CNTNAP4: variants seen among roughly 807,000 people sequenced by gnomAD.
CNTNAP4 encodes contactin associated protein family member 4.
A neutral mutation model predicts 148.4 loss-of-function variants in CNTNAP4; 98 were observed. The ratio of observed to expected loss-of-function variants is 0.66; its 90% CI spans 0.56 to 0.78. CNTNAP4 has a LOEUF of 0.78. Among genes scored for constraint, CNTNAP4 ranks in the 30% least tolerant of loss-of-function variants. The pLI is 0.00. For synonymous variants in CNTNAP4, 730 were observed against 565.1 expected (o/e 1.29, Z -4.14); for missense variants, 1,935 against 1,565.6 (o/e 1.24, Z -3.98).
chr16:76,481,110 T>A (rs1188040748), intron 12 of CNTNAP4, among the ~76,000 whole-genome samples: 1 of 152,244 alleles, frequency 6.6e-6, no homozygotes, highest in Non-Finnish European at 1.5e-5. Context: ...GATAATTGAT[T>A]TATTGCCAAG....
intron 4 of CNTNAP4, among the ~76,000 whole-genome samples, chr16:76,431,430 A>C (rs1333943187): frequency 6.6e-6 from 1 of 152,186 alleles, no homozygotes; most frequent in Non-Finnish European, 1.5e-5. Flanking sequence ...CTGTAATTCC[A>C]GGACTTTGGA....
chr16:76,453,375 G>A (rs1365487083), intron 8 of CNTNAP4, among the ~76,000 whole-genome samples: 3 of 152,188 alleles, frequency 2.0e-5, no homozygotes, highest in Non-Finnish European at 4.4e-5. Context: ...ATGATTAGAA[G>A]TAATGTACTT....
rs866698513 is a variant in CNTNAP4 at position 76,287,596 on chromosome 16, G to A, written c.85+9849G>A. On this transcript the variant is annotated intron_variant, in intron 1 of 23. Coordinates refer to ENST00000611870, the MANE Select transcript of CNTNAP4 (RefSeq NM_033401.5). ...TGTTTTTCTGAGTTAGCAAAATCGAGCCTCCTGTGATCATTTTCCTTTTTC... is the reference window on the plus strand; with the variant it reads ...TGTTTTTCTGAGTTAGCAAAATCGAACCTCCTGTGATCATTTTCCTTTTTC... The A allele has an allele frequency of 3.3e-5, 5 of 152,270 alleles. No individual in the cohort carries two copies. In the South Asian group the frequency reaches 1.0e-3, roughly 32 times the overall value. The allele number at this position is 152,270 out of a possible 1,614,324, so 9.4% of individuals were successfully genotyped here.
intron 3 of CNTNAP4, among the ~76,000 whole-genome samples, chr16:76,390,897 G>C (rs1004861537): frequency 3.3e-5 from 5 of 151,700 alleles, no homozygotes; most frequent in Non-Finnish European, 5.9e-5. Flanking sequence ...CATAATTGGT[G>C]TATATATTTA....
intron 17 of CNTNAP4, among the ~76,000 whole-genome samples, chr16:76,530,397 C>T (rs542505776): frequency 3.3e-5 from 5 of 152,042 alleles, no homozygotes; most frequent in South Asian, 2.1e-4. Context: ...TAAGACGCCC[C>T]GAGTGTACTT....
intron 10 of CNTNAP4, among the ~76,000 whole-genome samples, chr16:76,470,428 G>T (rs2081322011): frequency 6.8e-6 from 1 of 147,876 alleles, no homozygotes; most frequent in Admixed American, 6.8e-5. Context: ...ATCACCTGAG[G>T]TCAGGAGTTC....
At chr16:76,493,663 ATATT>A (rs757881217) in intron 13 of CNTNAP4, among the ~76,000 whole-genome samples, 3 of 152,178 alleles carry the variant, frequency 2.0e-5, no homozygotes, top group Non-Finnish European at 2.9e-5. Context: ...ATATTGAAAT[ATATT>A]TATTAAGTAT....
At chr16:76,345,802 A>G (rs2115388) in intron 2 of CNTNAP4, among the ~76,000 whole-genome samples, 1 of 152,068 alleles carries the variant, frequency 6.6e-6, no homozygotes, top group Non-Finnish European at 1.5e-5. Context: ...AATTTACAAT[A>G]TTAAGTTTTA....
chr16:76,361,527 G>T (rs535724517), intron 3 of CNTNAP4, among the ~76,000 whole-genome samples: 1 of 152,202 alleles, frequency 6.6e-6, no homozygotes, highest in African/African-American at 2.4e-5. Flanking sequence ...TCCATTTCAT[G>T]TAAATACCAC....
intron 5 of CNTNAP4, 47 bp from the exon 6 acceptor site, chr16:76,448,720 T>C: frequency 2.1e-6 from 3 of 1,399,558 alleles, no homozygotes; most frequent in South Asian, 2.8e-5. Context: ...TTTTTTTTTT[T>C]CTTTAGACTG....
At chr16:76,451,327 T>G (rs1002381190) in intron 7 of CNTNAP4, among the ~76,000 whole-genome samples, 13 of 152,332 alleles carry the variant, frequency 8.5e-5, no homozygotes, top group African/African-American at 2.9e-4. Context: ...AAACATGGTT[T>G]CTAGCTTTAC....
intron 3 of CNTNAP4, among the ~76,000 whole-genome samples, chr16:76,403,100 T>A (rs1757058131): frequency 6.6e-6 from 1 of 151,394 alleles, no homozygotes; most frequent in Non-Finnish European, 1.5e-5. Flanking sequence ...TTTTATTTTT[T>A]TTTTTTTTTT....
At chr16:76,516,585 C>A (rs6564346) in intron 15 of CNTNAP4, among the ~76,000 whole-genome samples, 1 of 152,046 alleles carries the variant, frequency 6.6e-6, no homozygotes, top group Non-Finnish European at 1.5e-5. Context: ...TGGCAACTTA[C>A]GTTCACAAAA....
At chr16:76,371,446 G>C (rs2144630282) in intron 3 of CNTNAP4, among the ~76,000 whole-genome samples, 1 of 152,042 alleles carries the variant, frequency 6.6e-6, no homozygotes, top group Non-Finnish European at 1.5e-5. Flanking sequence ...CCTCCCGCCT[G>C]GCTAATTTTT....
chr16:76,540,718 A>T lies in CNTNAP4; in HGVS notation c.3370A>T (p.Arg1124Trp). The change falls in exon 21 of 24, where the codon AGG (arginine) becomes TGG (tryptophan). Residue 1124 changes from arginine to tryptophan, a missense_variant. Physicochemically the swap from Arg to Trp is moderately radical, Grantham distance 101. Coordinates refer to ENST00000611870, the MANE Select transcript of CNTNAP4 (RefSeq NM_033401.5). ...VVFIEIDDNRRRQVHLSSGTE... is the reference protein window; with the variant it reads ...VVFIEIDDNRWRQVHLSSGTE... ...AATTTTGTAGATTGACGATAATAGA[A>T]GGAGACAAGTTCACCTGTCATCAGG... 6.4e-7 allele frequency: 1 copy of T among 1,570,358 alleles called. No homozygotes were observed. The highest frequency in any genetic ancestry group is 1.2e-5 in the South Asian group (1 of 85,340).
intron 3 of CNTNAP4, among the ~76,000 whole-genome samples, chr16:76,414,311 GT>G (rs1568067257): frequency 6.6e-6 from 1 of 151,318 alleles, no homozygotes; most frequent in African/African-American, 2.4e-5. Flanking sequence ...GTTACTTAAT[GT>G]GATAAATTAC....
At chr16:76,435,243 A>G (rs1052008457) in intron 4 of CNTNAP4, among the ~76,000 whole-genome samples, 3 of 152,116 alleles carry the variant, frequency 2.0e-5, no homozygotes, top group Non-Finnish European at 1.5e-5. Flanking sequence ...TCTTTTGTCA[A>G]TTCAACCTAG....
intron 4 of CNTNAP4, among the ~76,000 whole-genome samples, chr16:76,433,648 C>G (rs2079698915): frequency 6.6e-6 from 1 of 152,080 alleles, no homozygotes; most frequent in Admixed American, 6.6e-5. Context: ...TAGTCTCTGT[C>G]TATTCAGGAT....
intron 12 of CNTNAP4, among the ~76,000 whole-genome samples, chr16:76,484,278 A>AAAAAG (rs2081946081): frequency 6.8e-6 from 1 of 147,246 alleles, no homozygotes; most frequent in Non-Finnish European, 1.5e-5. Flanking sequence ...GAGAAATGAA[A>AAAAAG]AAAAAAAAAA....
Sources: allele counts gnomAD v4.1 joint callset (sites outside exome capture counted in the v4.1 genomes callset), GRCh38; gene constraint gnomAD v4.1.1; transcripts MANE v1.5; gene names NCBI Gene and HGNC (gene_info 2026-07-23, HGNC 2026-07-21).